The following INPP5A variants were observed in gnomAD, a reference collection of about 807,000 sequenced individuals.
INPP5A encodes inositol polyphosphate-5-phosphatase A.
In INPP5A, 14 loss-of-function variants were observed where a neutral mutation model predicts 65.2. The observed-to-expected ratio is 0.21, with a 90% confidence interval of 0.14 to 0.34. INPP5A has a LOEUF of 0.34. Ranked by LOEUF, INPP5A falls within the 10% of genes least tolerant of loss-of-function variation. The pLI, the probability that INPP5A is intolerant of heterozygous loss-of-function variation, is 1.00. For synonymous variants in INPP5A, 207 were observed against 208.3 expected (o/e 0.99, Z 0.05); for missense variants, 431 against 545.6 (o/e 0.79, Z 2.09).
At chr10:132,649,284 G>A (rs1056377868) in intron 3 of INPP5A, among the ~76,000 whole-genome samples, 7 of 152,102 alleles carry the variant, frequency 4.6e-5, no homozygotes, top group African/African-American at 1.7e-4. Flanking sequence ...TCGCTGTCTG[G>A]TCACAGTTGC....
At chr10:132,593,127 T>C (rs1009624104) in intron 1 of INPP5A, among the ~76,000 whole-genome samples, 5 of 152,338 alleles carry the variant, frequency 3.3e-5, no homozygotes, top group South Asian at 4.1e-4. Context: ...TTCGATAAGA[T>C]GAGACCCACC....
At chr10:132,588,790 T>C (rs1216609914) in intron 1 of INPP5A, among the ~76,000 whole-genome samples, 1 of 151,398 alleles carries the variant, frequency 6.6e-6, no homozygotes, top group Non-Finnish European at 1.5e-5. Context: ...GGAGTGTGGG[T>C]TGTGGTCCCG....
chr10:132,600,855 A>G (rs948847936), intron 1 of INPP5A, among the ~76,000 whole-genome samples: 1 of 152,236 alleles, frequency 6.6e-6, no homozygotes, highest in African/African-American at 2.4e-5. Flanking sequence ...CTTATTCACT[A>G]TCACGAGAAT....
chr10:132,695,914 C>A (rs534368287), intron 5 of INPP5A, among the ~76,000 whole-genome samples: 1 of 152,166 alleles, frequency 6.6e-6, no homozygotes, highest in South Asian at 2.1e-4. Flanking sequence ...GTGCCCCCCA[C>A]CCCCAAATTC....
Position 132,675,994 on chromosome 10 carries a change from T to C in INPP5A, c.307-14398T>C, listed in dbSNP as rs528926901. 7.9e-5 allele frequency among the ~76,000 whole-genome samples: 12 copies of C among 152,168 alleles called. No homozygotes were observed. Among genetic ancestry groups the C allele is most frequent in the African/African-American group, 2.9e-4 (12 of 41,516 alleles). ...ATTTTTAGAAGACAAAAGATAAGAG[T>C]CAGAACCATTTTAATTAGGATGCAA... On this transcript the variant is annotated intron_variant, in intron 4 of 15. Transcript: ENST00000368594. The surrounding 1 kb of genome is among the most constrained non-coding windows in gnomAD (Gnocchi z 4.2).
At chr10:132,554,739 G>A (rs2071103067) in intron 1 of INPP5A, among the ~76,000 whole-genome samples, 2 of 150,834 alleles carry the variant, frequency 1.3e-5, no homozygotes, top group Admixed American at 6.6e-5. Context: ...TATTGTGTGT[G>A]GCATGATTGG....
intron 8 of INPP5A, among the ~76,000 whole-genome samples, chr10:132,720,088 G>A (rs1291052866): frequency 2.0e-5 from 3 of 149,078 alleles, no homozygotes; most frequent in African/African-American, 5.0e-5. Context: ...GCCTTAGACG[G>A]CTGTCTTGCG....
intron 11 of INPP5A, among the ~76,000 whole-genome samples, chr10:132,761,317 G>A (rs1266894636): frequency 6.6e-6 from 1 of 152,256 alleles, no homozygotes; most frequent in Non-Finnish European, 1.5e-5. Context: ...GCTGGGAACA[G>A]GAAAGGCACT....
intron 1 of INPP5A, among the ~76,000 whole-genome samples, chr10:132,540,168 G>A (rs892733010): frequency 6.6e-6 from 1 of 152,174 alleles, no homozygotes; most frequent in Non-Finnish European, 1.5e-5. Context: ...GCTTGCTGGG[G>A]CATTTTAGTC....
At chr10:132,745,967 C>A (rs955380080) in intron 9 of INPP5A, among the ~76,000 whole-genome samples, 7 of 149,896 alleles carry the variant, frequency 4.7e-5, no homozygotes, top group Non-Finnish European at 9.0e-5. Context: ...GCAACACATG[C>A]TGCCCACCCA....
At chr10:132,739,276 A>G (rs1846232074) in intron 9 of INPP5A, among the ~76,000 whole-genome samples, 1 of 152,206 alleles carries the variant, frequency 6.6e-6, no homozygotes, top group Non-Finnish European at 1.5e-5. Flanking sequence ...CCCCCGAGGA[A>G]GGGTCCTTGG....
chr10:132,611,840 G>A (rs548153973), intron 2 of INPP5A, among the ~76,000 whole-genome samples: 94 of 147,110 alleles, frequency 6.4e-4, no homozygotes, highest in African/African-American at 2.2e-3. Flanking sequence ...GAGGGCAGGG[G>A]AGAGGCCCCG....
chr10:132,677,926 TA>T (rs973783151), intron 4 of INPP5A, among the ~76,000 whole-genome samples: 3 of 152,240 alleles, frequency 2.0e-5, no homozygotes, highest in Non-Finnish European at 2.9e-5. Context: ...ATTAGCTTTG[TA>T]AAGTGGATGA....
chr10:132,685,548 G>C (rs1228114039), intron 4 of INPP5A, among the ~76,000 whole-genome samples: 1 of 152,242 alleles, frequency 6.6e-6, no homozygotes. Context: ...GTGTGCTTTG[G>C]TCGTTCACCT....
intron 2 of INPP5A, among the ~76,000 whole-genome samples, chr10:132,643,788 A>G (rs966933705): frequency 6.6e-6 from 1 of 152,146 alleles, no homozygotes; most frequent in Admixed American, 6.5e-5. Flanking sequence ...CTGCGCCACT[A>G]TGCCCACAGC....
Position 132,678,784 on chromosome 10 carries a change from T to C in INPP5A, c.307-11608T>C, listed in dbSNP as rs2073004739. 6.6e-6 allele frequency among the ~76,000 whole-genome samples: 1 copy of C among 152,246 alleles called. No homozygotes were observed. The highest frequency in any genetic ancestry group is 2.1e-4 in the South Asian group (1 of 4,836). On this transcript the variant is annotated intron_variant, in intron 4 of 15. Transcript: ENST00000368594. The surrounding 1 kb of genome is among the most constrained non-coding windows in gnomAD (Gnocchi z 4.1). ...GCACCTTGAAGGAAAGGCTGGGGAC[T>C]GGGACTGCCAAGCCTCTGCCCAGAG...
chr10:132,538,187 C>A lies in INPP5A; in HGVS notation c.75+16C>A. 1 of 1,269,662 alleles carries A rather than the reference C, an allele frequency of 7.9e-7. No individual in the cohort carries two copies. The highest frequency in any genetic ancestry group is 2.7e-5 in the South Asian group (1 of 37,018). The allele number at this position is 1,269,662 out of a possible 1,614,324, so 78.6% of individuals were successfully genotyped here. A position where few individuals can be genotyped will look rare whatever the true frequency, so the allele number is the denominator to read the frequency against. The stretch of plus-strand genomic sequence containing the variant: ...CTTCGACGACGTAAGTCCCCCGTGC[C>A]GGCGGCAGGCCCCAAGCCCGGAACC... On this transcript the variant is annotated intron_variant, in intron 1 of 15. Coordinates refer to ENST00000368594, the MANE Select transcript of INPP5A (RefSeq NM_005539.5). The surrounding 1 kb of genome is among the most constrained non-coding windows in gnomAD (Gnocchi z 4.1).
Position 132,650,210 on chromosome 10 carries a change from G to C in INPP5A, c.219-208G>C, listed in dbSNP as rs2072555785. ...GCTGCGTGGAGACCAGAGCCTGTGG[G>C]AGCTTGAGCTCTGCACATGCTGAGA... is the stretch of plus-strand genomic sequence containing the variant. On this transcript the variant is annotated intron_variant, in intron 3 of 15. Coordinates refer to ENST00000368594, the MANE Select transcript of INPP5A (RefSeq NM_005539.5). This position sits in a 1 kb window ranked among gnomAD's most constrained non-coding sequence, Gnocchi z 5.5. Among the ~76,000 whole-genome samples, 1 of 152,194 alleles carries C rather than the reference G, an allele frequency of 6.6e-6. No individual in the cohort carries two copies. Among genetic ancestry groups the C allele is most frequent in the Non-Finnish European group, 1.5e-5 (1 of 68,018 alleles).
In INPP5A at chr10:132,705,982, CAA is replaced by C. The variant is rs1291447633; in HGVS notation, c.475-2329_475-2328del. ...AGACTTTAAGTATGTTTAAATTGCTCAAAGAGATAAGTGAAAGATAGGGTTCA... is the reference window on the plus strand; with the variant it reads ...AGACTTTAAGTATGTTTAAATTGCTCAGAGATAAGTGAAAGATAGGGTTCA... On this transcript the variant is annotated intron_variant, in intron 6 of 15. Transcript: ENST00000368594. This position sits in a 1 kb window ranked among gnomAD's most constrained non-coding sequence, Gnocchi z 4.9. Among the ~76,000 whole-genome samples the C allele has an allele frequency of 6.6e-6, 1 of 152,034 alleles. No individual in the cohort carries two copies. Among genetic ancestry groups the C allele is most frequent in the African/African-American group, 2.4e-5 (1 of 41,372 alleles).
Sources: allele counts gnomAD v4.1 joint callset (sites outside exome capture counted in the v4.1 genomes callset), GRCh38; gene constraint gnomAD v4.1.1; non-coding constraint Gnocchi (gnomAD v3.1); transcripts MANE v1.5; gene names NCBI Gene and HGNC (gene_info 2026-07-23, HGNC 2026-07-21).